GPC5: variants seen among roughly 807,000 people sequenced by gnomAD.
GPC5 encodes the protein glypican 5, also known as glypican-5.
Under a neutral mutation model 53.9 loss-of-function variants are expected in GPC5, and 47 were observed. That is an observed-to-expected ratio of 0.87 (90% CI 0.69 to 1.11). The LOEUF is 1.11. Among genes scored for constraint, GPC5 ranks in the 50% most tolerant of loss-of-function variants. The pLI, the probability that GPC5 is intolerant of heterozygous loss-of-function variation, is 0.00. For synonymous variants in GPC5, 286 were observed against 263.3 expected (o/e 1.09, Z -0.84); for missense variants, 748 against 713.1 (o/e 1.05, Z -0.56).
chr13:92,778,949 T>C (rs1334724166), intron 7 of GPC5, among the ~76,000 whole-genome samples: 1 of 151,188 alleles, frequency 6.6e-6, no homozygotes, highest in Admixed American at 6.7e-5. Flanking sequence ...TGCTTGTGTA[T>C]GAATATGTGC....
At chr13:92,785,200 C>T (rs1463626902) in intron 7 of GPC5, among the ~76,000 whole-genome samples, 5 of 152,080 alleles carry the variant, frequency 3.3e-5, no homozygotes, top group African/African-American at 9.7e-5. Context: ...CGCTTGAACC[C>T]GGGAGGCAGA....
intron 2 of GPC5, among the ~76,000 whole-genome samples, chr13:91,529,341 C>CA (rs1886232476): frequency 1.3e-5 from 2 of 152,020 alleles, no homozygotes; most frequent in Admixed American, 1.3e-4. Context: ...TTGATTTTCT[C>CA]AATTTTATTA....
At chr13:92,725,550 A>G (rs1888620262) in intron 7 of GPC5, among the ~76,000 whole-genome samples, 1 of 151,672 alleles carries the variant, frequency 6.6e-6, no homozygotes, top group Non-Finnish European at 1.5e-5. Flanking sequence ...GCCAAACTTT[A>G]TCTTTAGAAA....
At chr13:92,849,782 A>G (rs1878731333) in intron 7 of GPC5, among the ~76,000 whole-genome samples, 1 of 152,252 alleles carries the variant, frequency 6.6e-6, no homozygotes, top group African/African-American at 2.4e-5. Context: ...GCAATTCTTA[A>G]TATTCCAACC....
intron 5 of GPC5, among the ~76,000 whole-genome samples, chr13:91,765,379 G>A (rs2037502363): frequency 6.6e-6 from 1 of 152,236 alleles, no homozygotes; most frequent in Non-Finnish European, 1.5e-5. Context: ...CAAGGTTTCA[G>A]TCATCTGCTT....
chr13:91,735,597 T>A (rs2140043107), intron 4 of GPC5, among the ~76,000 whole-genome samples: 1 of 151,524 alleles, frequency 6.6e-6, no homozygotes, highest in South Asian at 2.1e-4. Context: ...GGATTTCAAT[T>A]GGAGTTATAT....
chr13:92,720,454 C>T (rs1469248801), intron 7 of GPC5, among the ~76,000 whole-genome samples: 1 of 151,846 alleles, frequency 6.6e-6, no homozygotes, highest in Non-Finnish European at 1.5e-5. Flanking sequence ...TTCATGGGCC[C>T]ATGTTTAATT....
chr13:91,641,617 A>C (rs1278457022), intron 2 of GPC5, among the ~76,000 whole-genome samples: 1 of 152,250 alleles, frequency 6.6e-6, no homozygotes, highest in African/African-American at 2.4e-5. Context: ...GGAACTTAAA[A>C]ATAAAATACA....
At chr13:91,856,772 T>A (rs1465157367) in intron 5 of GPC5, among the ~76,000 whole-genome samples, 1 of 151,428 alleles carries the variant, frequency 6.6e-6, no homozygotes, top group Non-Finnish European at 1.5e-5. Flanking sequence ...CATTATTTCT[T>A]TTTCATTTTT....
intron 7 of GPC5, among the ~76,000 whole-genome samples, chr13:92,264,487 A>G (rs1021098736): frequency 1.3e-5 from 2 of 152,028 alleles, no homozygotes; most frequent in African/African-American, 4.8e-5. Flanking sequence ...CAAGAAGCAC[A>G]CACACATACA....
intron 7 of GPC5, among the ~76,000 whole-genome samples, chr13:92,413,445 T>G (rs1876136360): frequency 6.6e-6 from 1 of 152,210 alleles, no homozygotes; most frequent in South Asian, 2.1e-4. Flanking sequence ...TAGACTACAT[T>G]TATTATAAGA....
rs61418155 is a variant in GPC5, at chr13:92,170,420, C to CTTTTTTTTTTTTT, written c.1561+25442_1561+25454dup. On this transcript the variant is annotated intron_variant, in intron 7 of 7. Transcript: ENST00000377067. ...TTTTTCTTTTTTTGTCTTTTCTTTG[C>CTTTTTTTTTTTTT]TTTTTTTTTTTTTTTTTTTTTTTGA... is the stretch of plus-strand genomic sequence containing the variant. Among the ~76,000 whole-genome samples the CTTTTTTTTTTTTT allele has an allele frequency of 5.8e-4, 44 of 75,258 alleles. 1 individual carries two copies. The highest frequency in any genetic ancestry group is 1.2e-3 in the African/African-American group (23 of 19,280). 49.4% of individuals were successfully genotyped at this position (75,258 alleles called of 152,430 possible). A position where few individuals can be genotyped will look rare whatever the true frequency, so the allele number is the denominator to read the frequency against.
At chr13:92,616,171 T>C (rs1884685448) in intron 7 of GPC5, among the ~76,000 whole-genome samples, 1 of 152,188 alleles carries the variant, frequency 6.6e-6, no homozygotes, top group Admixed American at 6.5e-5. Flanking sequence ...TTTTCCCCAG[T>C]AAAATAGAAT....
chr13:91,813,322 G>A (rs570496424), intron 5 of GPC5, among the ~76,000 whole-genome samples: 60 of 152,268 alleles, frequency 3.9e-4, no homozygotes, highest in Non-Finnish European at 8.5e-4. Context: ...TTGCTTCTTT[G>A]GAGCTCTGAG....
At chr13:92,237,022 G>T (rs1594024574) in intron 7 of GPC5, among the ~76,000 whole-genome samples, 1 of 151,844 alleles carries the variant, frequency 6.6e-6, no homozygotes, top group East Asian at 1.9e-4. Context: ...TTCTCTGGTT[G>T]CATATCACAA....
chr13:92,163,745 G>A (rs1421918081), intron 7 of GPC5, among the ~76,000 whole-genome samples: 6 of 151,980 alleles, frequency 3.9e-5, no homozygotes, highest in Admixed American at 3.9e-4. Flanking sequence ...CTATTTCAAA[G>A]ATGAAGTTTG....
At chr13:91,582,737 G>A (rs566719881) in intron 2 of GPC5, among the ~76,000 whole-genome samples, 3 of 152,266 alleles carry the variant, frequency 2.0e-5, no homozygotes, top group African/African-American at 7.2e-5. Flanking sequence ...TATAGGCCAG[G>A]CACGGTGGTT....
intron 7 of GPC5, among the ~76,000 whole-genome samples, chr13:92,344,981 A>G (rs573057898): frequency 2.2e-4 from 33 of 152,330 alleles, no homozygotes; most frequent in African/African-American, 7.0e-4. Flanking sequence ...GAAAAGCAAT[A>G]TGATGGATTA....
intron 7 of GPC5, among the ~76,000 whole-genome samples, chr13:92,752,431 ATTG>A (rs1889430670): frequency 6.6e-6 from 1 of 152,154 alleles, no homozygotes; most frequent in Non-Finnish European, 1.5e-5. Flanking sequence ...AGTTGATGGA[ATTG>A]TTGTAAAGGT....
Sources: gnomAD v4.1 joint callset for allele counts (sites outside exome capture counted in the v4.1 genomes callset) on GRCh38, gnomAD v4.1.1 for gene constraint, MANE v1.5 for transcripts, NCBI Gene and HGNC (gene_info 2026-07-23, HGNC 2026-07-21) for gene names.